Variants in EIF4G3 observed in about 807,000 individuals in gnomAD.
The protein encoded by EIF4G3 is eukaryotic translation initiation factor 4 gamma 3.
EIF4G3 carries 34 observed loss-of-function variants against 186.4 expected under a neutral mutation model. The ratio of observed to expected loss-of-function variants is 0.18; its 90% CI spans 0.14 to 0.24. The LOEUF (loss-of-function observed/expected upper bound fraction) is 0.24. Among genes scored for constraint, EIF4G3 ranks in the 10% least tolerant of loss-of-function variants. The probability of loss-of-function intolerance (pLI) is 1.00; values close to 1 mark genes in which losing one functional copy is unlikely to be tolerated. For missense variants in EIF4G3, 1,536 were observed against 1,948.5 expected (o/e 0.79, Z 3.99); for synonymous variants, 673 against 679.5 (o/e 0.99, Z 0.15).
chr1:20,915,015 T>C (rs2093700259), intron 14 of EIF4G3, among the ~76,000 whole-genome samples: 1 of 152,250 alleles, frequency 6.6e-6, no homozygotes, highest in South Asian at 2.1e-4. Context: ...GTTATGTCGA[T>C]TCCTTATCTC....
At chr1:20,935,068 G>C (rs2095474953) in intron 14 of EIF4G3, among the ~76,000 whole-genome samples, 2 of 152,124 alleles carry the variant, frequency 1.3e-5, no homozygotes, top group South Asian at 4.1e-4. Flanking sequence ...GGTTCAAACA[G>C]GTGGGCTTTC....
chr1:20,972,996 T>A lies in EIF4G3; in HGVS notation c.591+6A>T. ...AAAATAAGAAAAAGTAATAAAAATCTCTTACAGTTTTTTTCTCTCTCTTGG... is the reference window on the plus strand; with the variant it reads ...AAAATAAGAAAAAGTAATAAAAATCACTTACAGTTTTTTTCTCTCTCTTGG... On this transcript the variant is annotated splice_donor_region_variant and intron_variant, in intron 11 of 36. Transcript: ENST00000602326. 4 of 1,588,422 alleles carry A rather than the reference T, an allele frequency of 2.5e-6. No individual in the cohort carries two copies. Among genetic ancestry groups the A allele is most frequent in the Non-Finnish European group, 3.4e-6 (4 of 1,171,274 alleles).
chr1:21,173,452 T>A (rs1335735387), intron 2 of EIF4G3, among the ~76,000 whole-genome samples: 1 of 152,036 alleles, frequency 6.6e-6, no homozygotes, highest in Non-Finnish European at 1.5e-5. Context: ...TTTGGGAGGC[T>A]GAGGCAGGCG....
At chr1:20,837,496 G>A (rs1335342015) in intron 30 of EIF4G3, among the ~76,000 whole-genome samples, 2 of 152,142 alleles carry the variant, frequency 1.3e-5, no homozygotes, top group South Asian at 2.1e-4. Context: ...GAGCCACCGC[G>A]CCTGGCTGGC....
At chr1:21,098,970 T>C (rs940344779) in intron 2 of EIF4G3, among the ~76,000 whole-genome samples, 15 of 152,154 alleles carry the variant, frequency 9.9e-5, no homozygotes, top group African/African-American at 3.1e-4. Context: ...GAATGACACC[T>C]AATCAAAGAA....
At position 20,941,102 on chromosome 1, in the gene EIF4G3, A is replaced by C. The variant is rs894896974; in HGVS notation, c.1663+389T>G. On this transcript the variant is annotated intron_variant, in intron 14 of 36. Transcript: ENST00000602326. ...TTCCTTTAGGATTGACTGGGTTTTA[A>C]AATTCTAGGAAGACAGAATTAGGGA... The C allele has an allele frequency of 3.2e-6, 3 of 946,380 alleles. No homozygotes were observed. In the African/African-American group the frequency reaches 5.1e-5, roughly 16 times the overall value. The allele number at this position is 946,380 out of a possible 1,614,324, so 58.6% of individuals were successfully genotyped here. A position where few individuals can be genotyped will look rare whatever the true frequency, so the allele number is the denominator to read the frequency against.
chr1:21,124,289 G>A (rs200696565), intron 2 of EIF4G3, among the ~76,000 whole-genome samples: 20 of 146,772 alleles, frequency 1.4e-4, no homozygotes, highest in Non-Finnish European at 9.0e-5. Context: ...CGGTCTCAAA[G>A]AAAAAAAAAA....
At chr1:20,841,982 T>C (rs1488587914) in intron 29 of EIF4G3, among the ~76,000 whole-genome samples, 1 of 150,780 alleles carries the variant, frequency 6.6e-6, no homozygotes, top group Non-Finnish European at 1.5e-5. Context: ...ACTGCCGCTT[T>C]TTCCTCCCTG....
chr1:21,001,413 T>C (rs757460215), intron 5 of EIF4G3, 101 bp from the exon 6 acceptor site: 1 of 435,044 alleles, frequency 2.3e-6, no homozygotes, highest in Non-Finnish European at 4.7e-6. Context: ...TAATCAGAAA[T>C]TAGGGTTGGG....
At chr1:21,035,848 G>A (rs1571426548) in intron 4 of EIF4G3, among the ~76,000 whole-genome samples, 1 of 152,322 alleles carries the variant, frequency 6.6e-6, no homozygotes, top group East Asian at 1.9e-4. Context: ...CCATGGACCA[G>A]AGTGGGGACT....
intron 20 of EIF4G3, 61 bp from the exon 21 acceptor site, chr1:20,865,323 C>A: frequency 1.9e-6 from 3 of 1,578,498 alleles, no homozygotes; most frequent in Non-Finnish European, 2.6e-6. Flanking sequence ...TTAAAAATAT[C>A]TGTTTGCTTT....
chr1:20,985,248 A>T (rs2079189264), intron 7 of EIF4G3, among the ~76,000 whole-genome samples: 1 of 152,170 alleles, frequency 6.6e-6, no homozygotes, highest in South Asian at 2.1e-4. Flanking sequence ...CACAAAACAC[A>T]TGCTTACTCA....
intron 14 of EIF4G3, among the ~76,000 whole-genome samples, chr1:20,933,978 G>A (rs1476777055): frequency 6.6e-6 from 1 of 152,162 alleles, no homozygotes; most frequent in Non-Finnish European, 1.5e-5. Flanking sequence ...GGGATTACAG[G>A]CATGAGCCAC....
At position 21,176,809 on chromosome 1, in the gene EIF4G3, T is replaced by A; in HGVS notation, c.-543A>T. ...GCGGCGCCCTTCTCGGTAGCGGGGC[T>A]CAGGCGATGCCGGTGGATTTTCTTC... is the stretch of plus-strand genomic sequence containing the variant. On this transcript the variant is annotated 5_prime_UTR_variant, in exon 1 of 37. Coordinates refer to ENST00000602326, the MANE Select transcript of EIF4G3 (RefSeq NM_001391906.1). The A allele has an allele frequency of 1.4e-6, 1 of 701,484 alleles. No individual in the cohort carries two copies. The highest frequency in any genetic ancestry group is 2.6e-6 in the Non-Finnish European group (1 of 384,154). 43.5% of individuals were successfully genotyped at this position (701,484 alleles called of 1,614,324 possible). A position where few individuals can be genotyped will look rare whatever the true frequency, so the allele number is the denominator to read the frequency against.
chr1:21,057,750 A>G (rs1465765666), intron 3 of EIF4G3, among the ~76,000 whole-genome samples: 1 of 152,186 alleles, frequency 6.6e-6, no homozygotes, highest in Non-Finnish European at 1.5e-5. Context: ...GTGATAAAAT[A>G]TCACTTACAT....
intron 12 of EIF4G3, among the ~76,000 whole-genome samples, chr1:20,963,974 C>T (rs1264243787): frequency 6.6e-6 from 1 of 151,464 alleles, no homozygotes; most frequent in Non-Finnish European, 1.5e-5. Flanking sequence ...ATCCACCATT[C>T]ATCCTATTTG....
intron 7 of EIF4G3, among the ~76,000 whole-genome samples, chr1:20,984,583 C>CAT (rs1331863202): frequency 3.0e-5 from 3 of 100,360 alleles, no homozygotes; most frequent in African/African-American, 1.1e-4. Flanking sequence ...CACACACACA[C>CAT]ATATATACAC....
At chr1:20,893,133 T>G (rs1572319505) in intron 18 of EIF4G3, 1 of 197,284 alleles carries the variant, frequency 5.1e-6, no homozygotes, top group East Asian at 1.3e-4. Flanking sequence ...GGGTCTCTCT[T>G]TGTTGTCAGG....
chr1:21,049,108 C>G (rs1166543627), intron 4 of EIF4G3, among the ~76,000 whole-genome samples: 1 of 152,118 alleles, frequency 6.6e-6, no homozygotes, highest in East Asian at 1.9e-4. Flanking sequence ...CAGTAAGGAG[C>G]CTTTTAGCCA....
Sources: gnomAD v4.1 joint callset for allele counts (sites outside exome capture counted in the v4.1 genomes callset) on GRCh38, gnomAD v4.1.1 for gene constraint, MANE v1.5 for transcripts, NCBI Gene and HGNC (gene_info 2026-07-23, HGNC 2026-07-21) for gene names.